MYH13: variants seen among roughly 807,000 people sequenced by gnomAD.
MYH13 encodes the protein myosin heavy chain 13, also known as myosin-13.
Under a neutral mutation model 232.1 loss-of-function variants are expected in MYH13, and 177 were observed. The ratio of observed to expected loss-of-function variants is 0.76; its 90% confidence interval spans 0.67 to 0.86. MYH13 has a LOEUF of 0.86. MYH13 is among the 40% of genes least tolerant of loss of function. The probability of loss-of-function intolerance (pLI) is 0.00; values close to 1 mark genes in which losing one functional copy is unlikely to be tolerated. For missense variants in MYH13, 2,246 were observed against 2,405.9 expected (o/e 0.93, Z 1.39); for synonymous variants, 884 against 923.5 (o/e 0.96, Z 0.78).
intron 8 of MYH13, among the ~76,000 whole-genome samples, chr17:10,355,622 G>A (rs1166517155): frequency 6.6e-6 from 1 of 152,148 alleles, no homozygotes; most frequent in Non-Finnish European, 1.5e-5. Flanking sequence ...CCCAAGCTGG[G>A]TCAGCAAGGA....
chr17:10,362,212 G>A lies in MYH13; in HGVS notation c.411C>T (p.Pro137=), dbSNP rs201934263. ...NPYKWLPVYK[P]EVVAAYRGKK... ...TGCCTCTGTAGGCAGCCACCACCTC[G>A]GGCTTGTACACCGGCAGCCACTTGT... is the stretch of plus-strand genomic sequence containing the variant. The change falls in exon 5 of 41, where the codon CCC becomes CCT. Residue 137 remains proline, a synonymous_variant. Coordinates refer to ENST00000252172, the MANE Select transcript of MYH13 (RefSeq NM_003802.3). The A allele has an allele frequency of 2.1e-5, 34 of 1,613,886 alleles. No homozygotes were observed. Among genetic ancestry groups the A allele is most frequent in the Admixed American group, 8.3e-5 (5 of 60,004 alleles).
chr17:10,338,832 C>T (rs929181655), intron 18 of MYH13, among the ~76,000 whole-genome samples: 1 of 152,028 alleles, frequency 6.6e-6, no homozygotes, highest in Non-Finnish European at 1.5e-5. Context: ...TCCCGAATAG[C>T]TGGGACTACA....
At chr17:10,346,828 C>T (rs2071670507) in intron 12 of MYH13, 30 bp from the exon 13 acceptor site, 1 of 1,542,712 alleles carries the variant, frequency 6.5e-7, no homozygotes, top group Non-Finnish European at 9.0e-7. Flanking sequence ...TGGCATCATG[C>T]AAAAACAGTA....
chr17:10,372,204 T>TA (rs1192188813), intron 1 of MYH13, among the ~76,000 whole-genome samples: 1 of 152,136 alleles, frequency 6.6e-6, no homozygotes, highest in Non-Finnish European at 1.5e-5. Flanking sequence ...ATCCTCAATT[T>TA]AAAAAAATAT....
At chr17:10,344,845 T>G (rs2071650048) in intron 15 of MYH13, among the ~76,000 whole-genome samples, 1 of 143,872 alleles carries the variant, frequency 7.0e-6, no homozygotes, top group Admixed American at 7.0e-5. Flanking sequence ...AAAAAAAAGT[T>G]AATATCTATT....
intron 11 of MYH13, among the ~76,000 whole-genome samples, chr17:10,351,331 G>A (rs1428696753): frequency 6.6e-6 from 1 of 152,058 alleles, no homozygotes; most frequent in Non-Finnish European, 1.5e-5. Context: ...ACTGAGAGCT[G>A]GGAATGTCAT....
In MYH13 at chr17:10,355,002, A is replaced by T; in HGVS notation, c.803-9T>A. The T allele has an allele frequency of 6.2e-7, 1 of 1,609,542 alleles. No homozygotes were observed. The highest frequency in any genetic ancestry group is 1.1e-5 in the South Asian group (1 of 90,954). On this transcript the variant is annotated splice_polypyrimidine_tract_variant and intron_variant, in intron 9 of 40. Coordinates refer to ENST00000252172, the MANE Select transcript of MYH13 (RefSeq NM_003802.3). ...GGATTTTTCTAACAGATCTAAGGTA[A>T]CAAAAATAACGTGATTTCAGGCTCC... is the stretch of plus-strand genomic sequence containing the variant.
intron 34 of MYH13, 38 bp from the exon 35 acceptor site, chr17:10,309,475 G>C (rs1906422333): frequency 1.9e-6 from 3 of 1,600,126 alleles, no homozygotes; most frequent in African/African-American, 2.7e-5. Flanking sequence ...GAGCCGCCTG[G>C]CAGGCTGGGG....
At chr17:10,336,806 A>G (rs1306749306) in intron 18 of MYH13, among the ~76,000 whole-genome samples, 1 of 152,106 alleles carries the variant, frequency 6.6e-6, no homozygotes, top group Non-Finnish European at 1.5e-5. Flanking sequence ...TCCCATGGGA[A>G]TGACCCTCGA....
At chr17:10,309,005 G>A (rs1171021510) in intron 35 of MYH13, among the ~76,000 whole-genome samples, 1 of 152,252 alleles carries the variant, frequency 6.6e-6, no homozygotes, top group Non-Finnish European at 1.5e-5. Context: ...CGTGCAAGAT[G>A]TTTAATGTTT....
At position 10,312,698 on chromosome 17, in the gene MYH13, T is replaced by G. The variant is rs1300252910; in HGVS notation, c.4241A>C (p.Lys1414Thr). 6.8e-6 allele frequency: 11 copies of G among 1,613,656 alleles called. No individual in the cohort carries two copies. Among genetic ancestry groups the G allele is most frequent in the African/African-American group, 1.3e-5 (1 of 74,984 alleles). ...AEENTETANS[K>T]CASLEKTKQR... Reference sequence around the variant, plus strand: ...CTTGGTTTTCTCCAACGATGCGCACTTGGAGTTCGCCGTCTCCGTGTTCTC... The same window carrying G: ...CTTGGTTTTCTCCAACGATGCGCACGTGGAGTTCGCCGTCTCCGTGTTCTC... Residue 1414 changes from lysine to threonine, a missense_variant, in exon 31 of 41, where the codon AAG becomes ACG. By Grantham distance (78) the Lys-to-Thr change is moderately conservative. Transcript: ENST00000252172.
rs757452375 is a variant in MYH13, at chr17:10,327,912, A to G, written c.2645T>C (p.Val882Ala). Residue 882 changes from valine (V) to alanine (A), a missense_variant, in exon 22 of 41, where the codon GTC becomes GCC. Transcript: ENST00000252172. ...GTCATTCTTCTCCTGCAGGAGGGAGACCATTTTCTCCTCCAGCTCCTTCCG... is the reference window on the plus strand; with the variant it reads ...GTCATTCTTCTCCTGCAGGAGGGAGGCCATTTTCTCCTCCAGCTCCTTCCG... Reference protein sequence around the residue: ...ARRKELEEKMVSLLQEKNDLQ... With the variant: ...ARRKELEEKMASLLQEKNDLQ... 1 of 1,613,720 alleles carries G rather than the reference A, an allele frequency of 6.2e-7. No individual in the cohort carries two copies. Among genetic ancestry groups the G allele is most frequent in the Non-Finnish European group, 8.5e-7 (1 of 1,179,862 alleles).
Position 10,345,821 on chromosome 17 carries a change from C to T in MYH13, c.1264-205G>A, listed in dbSNP as rs112015967. On this transcript the variant is annotated intron_variant, in intron 13 of 40. Transcript: ENST00000252172. The stretch of plus-strand genomic sequence containing the variant: ...CATCCTGGCCAACATGGTGAAACCC[C>T]GTCTCTACTAAAAATACAAAAATTA... Among the ~76,000 whole-genome samples the T allele has an allele frequency of 4.8e-3, 725 of 151,776 alleles. 6 individuals are homozygous for T. Among genetic ancestry groups the T allele is most frequent in the Non-Finnish European group, 7.4e-3 (505 of 67,890 alleles).
chr17:10,321,296 T>C (rs1048619757), intron 24 of MYH13, among the ~76,000 whole-genome samples: 1 of 152,166 alleles, frequency 6.6e-6, no homozygotes, highest in African/African-American at 2.4e-5. Flanking sequence ...GTGAAAACCC[T>C]CTGAGATGGA....
At chr17:10,364,656 C>T in intron 2 of MYH13, 114 bp from the exon 3 acceptor site, 1 of 896,942 alleles carries the variant, frequency 1.1e-6, no homozygotes, top group Non-Finnish European at 1.7e-6. Context: ...CTAGATTGAA[C>T]ATAGGTCCTG....
intron 32 of MYH13, among the ~76,000 whole-genome samples, chr17:10,311,614 T>C (rs1416367115): frequency 1.3e-5 from 2 of 152,300 alleles, no homozygotes; most frequent in East Asian, 3.9e-4. Context: ...TTCAGTGGCA[T>C]GTGCAAGAAT....
rs558252297 is a variant in MYH13 at position 10,312,813 on chromosome 17, T to G, written c.4182-56A>C. 2.3e-4 allele frequency: 352 copies of G among 1,531,944 alleles called. No individual in the cohort carries two copies. The African/African-American group carries it at 3.3e-3, about 15-fold the overall frequency. 94.9% of individuals were successfully genotyped at this position (1,531,944 alleles called of 1,614,324 possible). A position where few individuals can be genotyped will look rare whatever the true frequency, so the allele number is the denominator to read the frequency against. On this transcript the variant is annotated intron_variant, in intron 30 of 40. Transcript: ENST00000252172. ...CGCAAAGGTGGAATATTTCAGTAGG[T>G]AACTGTCAGATGGGAAGAGAAATGA...
chr17:10,332,962 G>T, intron 19 of MYH13, 112 bp downstream of exon 19: 1 of 862,758 alleles, frequency 1.2e-6, no homozygotes, highest in Non-Finnish European at 1.8e-6. Context: ...GAAGTCTGTG[G>T]AAACTCTGGG....
rs1416925305 is a variant in MYH13 at position 10,304,520 on chromosome 17, C to T, written c.5467-1022G>A. Reference sequence around the variant, plus strand: ...GTCCTTGCAGGTGAAACCTGCCCAACTGTTCATTGAACTTACAGCAGATCA... The same window carrying T: ...GTCCTTGCAGGTGAAACCTGCCCAATTGTTCATTGAACTTACAGCAGATCA... On this transcript the variant is annotated intron_variant, in intron 37 of 40. Coordinates refer to ENST00000252172, the MANE Select transcript of MYH13 (RefSeq NM_003802.3). The surrounding 1 kb of genome is among the most constrained non-coding windows in gnomAD (Gnocchi z 5.3). Among the ~76,000 whole-genome samples the T allele has an allele frequency of 6.6e-6, 1 of 152,250 alleles. No homozygotes were observed. Among genetic ancestry groups the T allele is most frequent in the East Asian group, 1.9e-4 (1 of 5,192 alleles).
Sources: allele counts gnomAD v4.1 joint callset (sites outside exome capture counted in the v4.1 genomes callset), GRCh38; gene constraint gnomAD v4.1.1; non-coding constraint Gnocchi (gnomAD v3.1); transcripts MANE v1.5; gene names NCBI Gene and HGNC (gene_info 2026-07-23, HGNC 2026-07-21).